Variants in ADAM17 observed in about 807,000 individuals in gnomAD.
ADAM17 encodes the protein ADAM metallopeptidase domain 17, also known as disintegrin and metalloproteinase domain-containing protein 17.
Under a neutral mutation model 96.7 loss-of-function variants are expected in ADAM17, and 39 were observed. The observed-to-expected ratio is 0.40, with a 90% CI of 0.31 to 0.53. The LOEUF (loss-of-function observed/expected upper bound fraction) is 0.53. ADAM17 is among the 20% of genes least tolerant of loss of function. The pLI is 0.44. For synonymous variants in ADAM17, 344 were observed against 359.2 expected (o/e 0.96, Z 0.48); for missense variants, 777 against 1,013.2 (o/e 0.77, Z 3.17).
intron 8 of ADAM17, among the ~76,000 whole-genome samples, chr2:9,519,035 A>G (rs1664197030): frequency 6.6e-6 from 1 of 151,956 alleles, no homozygotes; most frequent in South Asian, 2.1e-4. Flanking sequence ...CCTCCCAAGA[A>G]GCTGGTACCA....
At chr2:9,503,452 T>TAAA (rs1211541155) in intron 12 of ADAM17, among the ~76,000 whole-genome samples, 2 of 152,242 alleles carry the variant, frequency 1.3e-5, no homozygotes, top group African/African-American at 4.8e-5. Context: ...GACTGTCATT[T>TAAA]TGATTGTTTC....
At chr2:9,491,298 A>G (rs1282449565) in intron 17 of ADAM17, 147 bp from the exon 18 acceptor site, 2 of 649,382 alleles carry the variant, frequency 3.1e-6, no homozygotes, top group Non-Finnish European at 5.2e-6. Context: ...ATGACAATCC[A>G]TTTCTCACCC....
At chr2:9,502,380 A>C (rs1572898413) in intron 12 of ADAM17, 104 bp from the exon 13 acceptor site, 1 of 978,678 alleles carries the variant, frequency 1.0e-6, no homozygotes, top group Non-Finnish European at 1.6e-6. Flanking sequence ...ACCGGGGAAG[A>C]CCTCCTGGCT....
chr2:9,524,761 C>T (rs1038228419), intron 6 of ADAM17, among the ~76,000 whole-genome samples: 3 of 152,276 alleles, frequency 2.0e-5, no homozygotes, highest in Middle Eastern at 3.4e-3. Context: ...TTTCAGCAAC[C>T]CTCCTTCTTT....
chr2:9,543,641 T>C (rs530168769), intron 1 of ADAM17, among the ~76,000 whole-genome samples: 2 of 152,332 alleles, frequency 1.3e-5, no homozygotes, highest in East Asian at 3.9e-4. Context: ...TACAAGTTTA[T>C]TGCTACTGAT....
rs370064783 is a variant in ADAM17 at position 9,490,440 on chromosome 2, G to C, written c.2212C>G (p.Arg738Gly). 1.2e-6 allele frequency: 2 copies of C among 1,614,054 alleles called. No homozygotes were observed. The highest frequency in any genetic ancestry group is 1.7e-6 in the Non-Finnish European group (2 of 1,180,032). ...GGGATCACAGGGGCAGGCTGCAGGC[G>C]GCCTGGAGTCTGGGGCGCAGGAAAG... ...KPFPAPQTPG[R>G]LQPAPVIPSA... Residue 738 changes from arginine to glycine, a missense_variant, in exon 19 of 19, where the codon CGC becomes GGC. By Grantham distance (125) the Arg-to-Gly change is moderately radical. Coordinates refer to ENST00000310823, the MANE Select transcript of ADAM17 (RefSeq NM_003183.6).
chr2:9,546,847 C>G (rs781745853), intron 1 of ADAM17, among the ~76,000 whole-genome samples: 3 of 151,910 alleles, frequency 2.0e-5, no homozygotes, highest in Non-Finnish European at 2.9e-5. Context: ...GTAGCTGGGA[C>G]TACAGGTGCA....
chr2:9,520,075 T>C (rs577842454), intron 8 of ADAM17, among the ~76,000 whole-genome samples: 118 of 152,314 alleles, frequency 7.7e-4, no homozygotes, highest in Non-Finnish European at 1.1e-3. Context: ...TTTAATTCTA[T>C]TGAAGCTTTG....
intron 14 of ADAM17, among the ~76,000 whole-genome samples, chr2:9,495,497 G>A (rs1349782585): frequency 1.3e-5 from 2 of 152,204 alleles, no homozygotes; most frequent in African/African-American, 4.8e-5. Flanking sequence ...CAGATCACTT[G>A]AGGCCAGGAG....
chr2:9,494,009 C>G (rs941039589), intron 15 of ADAM17, among the ~76,000 whole-genome samples, 184 bp from the exon 16 acceptor site: 1 of 152,198 alleles, frequency 6.6e-6, no homozygotes, highest in Admixed American at 6.5e-5. Context: ...CTGTCATTAA[C>G]ACTTTCATAA....
At chr2:9,543,128 T>G in intron 2 of ADAM17, 25 bp downstream of exon 2, 4 of 1,551,500 alleles carry the variant, frequency 2.6e-6, no homozygotes, top group South Asian at 2.4e-5. Context: ...TGCCCCAACA[T>G]TATTCCATGA....
At chr2:9,494,925 A>C (rs75255515) in intron 14 of ADAM17, 158 bp from the exon 15 acceptor site, 2 of 844,174 alleles carry the variant, frequency 2.4e-6, no homozygotes, top group African/African-American at 1.8e-5. Context: ...ACCAAGGAGT[A>C]GTTTCTGAGG....
intron 5 of ADAM17, 36 bp downstream of exon 5, chr2:9,527,750 T>C: frequency 7.1e-7 from 1 of 1,408,428 alleles, no homozygotes; most frequent in Non-Finnish European, 9.4e-7. Context: ...TGTAGTATGT[T>C]TGTTTCTTAT....
At chr2:9,518,928 C>T (rs1664191946) in intron 8 of ADAM17, among the ~76,000 whole-genome samples, 1 of 151,314 alleles carries the variant, frequency 6.6e-6, no homozygotes, top group African/African-American at 2.4e-5. Flanking sequence ...TTGCTTGAGA[C>T]AGGGTCTCGC....
At chr2:9,492,237 A>C (rs984498036) in intron 17 of ADAM17, among the ~76,000 whole-genome samples, 1 of 152,248 alleles carries the variant, frequency 6.6e-6, no homozygotes, top group Admixed American at 6.5e-5. Context: ...TCATCTCTAC[A>C]GCAGACAAAT....
At chr2:9,492,871 T>G (rs1662275256) in intron 17 of ADAM17, 27 bp downstream of exon 17, 2 of 1,566,508 alleles carry the variant, frequency 1.3e-6, no homozygotes, top group African/African-American at 1.4e-5. Flanking sequence ...AATAAAACAT[T>G]TAATTACTTA....
At chr2:9,555,035 A>G (rs999870169) in intron 1 of ADAM17, among the ~76,000 whole-genome samples, 8 of 152,180 alleles carry the variant, frequency 5.3e-5, no homozygotes, top group African/African-American at 1.7e-4. Context: ...AGATTACTGC[A>G]TAAGTACCTC....
chr2:9,519,882 G>A (rs1239999645), intron 8 of ADAM17, among the ~76,000 whole-genome samples: 2 of 152,188 alleles, frequency 1.3e-5, no homozygotes, highest in Non-Finnish European at 2.9e-5. Flanking sequence ...AAGTCCCCCA[G>A]CCTATGCTGC....
At chr2:9,514,274 G>C (rs1201348334) in intron 10 of ADAM17, among the ~76,000 whole-genome samples, 2 of 139,142 alleles carry the variant, frequency 1.4e-5, no homozygotes, top group Non-Finnish European at 3.0e-5. Flanking sequence ...GCCAAACACC[G>C]CATGTTCTCA....
Sources: allele counts gnomAD v4.1 joint callset (sites outside exome capture counted in the v4.1 genomes callset), GRCh38; gene constraint gnomAD v4.1.1; transcripts MANE v1.5; gene names NCBI Gene and HGNC (gene_info 2026-07-23, HGNC 2026-07-21).